Variants in MITF observed in about 807,000 individuals in gnomAD.
MITF encodes microphthalmia-associated transcription factor.
Under a neutral mutation model 60.5 loss-of-function variants are expected in MITF, and 17 were observed. The observed-to-expected ratio is 0.28, with a 90% CI of 0.19 to 0.42. MITF has a LOEUF of 0.42. Ranked by LOEUF, MITF falls within the 10% of genes least tolerant of loss-of-function variation. The probability of loss-of-function intolerance (pLI) is 1.00; values close to 1 mark genes in which losing one functional copy is unlikely to be tolerated. For synonymous variants in MITF, 260 were observed against 248.5 expected, an observed-to-expected ratio of 1.05 and a Z score of -0.43; for missense variants, 622 against 683.5, an observed-to-expected ratio of 0.91 and a Z score of 1.00.
intron 3 of MITF, chr3:69,938,387 G>A (rs1380156979): frequency 1.9e-6 from 3 of 1,563,132 alleles, no homozygotes; most frequent in East Asian, 2.4e-5. Context: ...AGAGGAGAAG[G>A]GGAGGTGGAA....
At chr3:69,848,092 A>C (rs980093403) in intron 1 of MITF, among the ~76,000 whole-genome samples, 12 of 152,258 alleles carry the variant, frequency 7.9e-5, no homozygotes, top group Non-Finnish European at 1.5e-4. Flanking sequence ...ATGCTCTTGC[A>C]GAAGAACAAA....
intron 2 of MITF, among the ~76,000 whole-genome samples, chr3:69,886,469 A>G (rs969476804): frequency 6.6e-6 from 1 of 152,132 alleles, no homozygotes; most frequent in Non-Finnish European, 1.5e-5. Flanking sequence ...CCCTGGTTAC[A>G]TAGACTCCAC....
At chr3:69,938,928 A>G in intron 3 of MITF, 170 bp from the exon 4 acceptor site, 1 of 1,496,462 alleles carries the variant, frequency 6.7e-7, no homozygotes, top group Non-Finnish European at 8.9e-7. Flanking sequence ...TCATCTAGCA[A>G]GATGATTTGA....
At chr3:69,894,923 C>A (rs1417984162) in intron 2 of MITF, among the ~76,000 whole-genome samples, 5 of 152,146 alleles carry the variant, frequency 3.3e-5, no homozygotes, top group Non-Finnish European at 7.3e-5. Flanking sequence ...ACCAGTCTTG[C>A]AAAGTTCACT....
intron 1 of MITF, among the ~76,000 whole-genome samples, chr3:69,755,646 G>T (rs575882365): frequency 6.6e-6 from 1 of 152,038 alleles, no homozygotes; most frequent in Non-Finnish European, 1.5e-5. Context: ...AAAGCAGAAA[G>T]GGGGGTTAGT....
Position 69,815,025 on chromosome 3 carries a change from C to T in MITF, c.105-64109C>T, listed in dbSNP as rs751021302. On this transcript the variant is annotated intron_variant, in intron 1 of 9. Coordinates refer to ENST00000352241, the MANE Select transcript of MITF (RefSeq NM_001354604.2). Reference sequence around the variant, plus strand: ...TCTGGTAAACTGGTACAGGATGGCTCGGGGCCTCAGGTTTATAAAAACAGA... The same window carrying T: ...TCTGGTAAACTGGTACAGGATGGCTTGGGGCCTCAGGTTTATAAAAACAGA... Among the ~76,000 whole-genome samples the T allele has an allele frequency of 8.5e-5, 13 of 152,186 alleles. No individual in the cohort carries two copies. The South Asian group carries it at 1.7e-3, about 19-fold the overall frequency.
intron 1 of MITF, among the ~76,000 whole-genome samples, chr3:69,794,541 A>G (rs780100753): frequency 1.3e-5 from 2 of 152,190 alleles, no homozygotes; most frequent in African/African-American, 4.8e-5. Flanking sequence ...ACCAATTCTC[A>G]TGTCCTTGGT....
At chr3:69,791,558 C>G (rs989060023) in intron 1 of MITF, among the ~76,000 whole-genome samples, 2 of 152,196 alleles carry the variant, frequency 1.3e-5, no homozygotes, top group Non-Finnish European at 2.9e-5. Flanking sequence ...CCAAGAGGCT[C>G]AAGACCTCTT....
At chr3:69,953,718 A>AAG (rs916509164) in intron 7 of MITF, among the ~76,000 whole-genome samples, 2 of 140,726 alleles carry the variant, frequency 1.4e-5, no homozygotes, top group African/African-American at 5.1e-5. Context: ...CAGAGAAAGA[A>AAG]AGAGAGAGAG....
At chr3:69,747,571 G>T (rs1275570201) in intron 1 of MITF, among the ~76,000 whole-genome samples, 2 of 152,348 alleles carry the variant, frequency 1.3e-5, no homozygotes, top group East Asian at 3.9e-4. Context: ...CTTAGTAGGT[G>T]TTCAGGGTTA....
At chr3:69,908,958 G>A (rs12107409) in intron 2 of MITF, among the ~76,000 whole-genome samples, 2,349 of 152,182 alleles carry the variant, frequency 0.015, 30 homozygotes, top group Middle Eastern at 0.051. Flanking sequence ...GATGCTTATA[G>A]TTATAGGATA....
Position 69,965,621 on chromosome 3 carries a change from G to A in MITF, c.*373G>A. 4 of 240,910 alleles carry A rather than the reference G, an allele frequency of 1.7e-5. No homozygotes were observed. The highest frequency in any genetic ancestry group is 1.4e-4 in the South Asian group (1 of 7,356). The allele number at this position is 240,910 out of a possible 1,614,324, so 14.9% of individuals were successfully genotyped here. On this transcript the variant is annotated 3_prime_UTR_variant, in exon 10 of 10. Transcript: ENST00000352241. ...GACTTCCTTGGAAATCAAATGTAAA[G>A]TTTAATTGAAAGAATGTAAAGCAAC...
intron 1 of MITF, among the ~76,000 whole-genome samples, chr3:69,825,355 T>C (rs1237151384): frequency 6.6e-6 from 1 of 152,174 alleles, no homozygotes; most frequent in Non-Finnish European, 1.5e-5. Context: ...AAGTTTGCCA[T>C]TATCTGTAAT....
intron 2 of MITF, among the ~76,000 whole-genome samples, chr3:69,919,704 G>A (rs2065418548): frequency 6.6e-6 from 1 of 152,046 alleles, no homozygotes; most frequent in Non-Finnish European, 1.5e-5. Flanking sequence ...ATAAAAGTCT[G>A]GGGTTATTTA....
chr3:69,864,625 C>T (rs867928228), intron 1 of MITF, among the ~76,000 whole-genome samples: 5 of 152,234 alleles, frequency 3.3e-5, no homozygotes, highest in South Asian at 2.1e-4. Context: ...CTGAGCTCAT[C>T]GTTCCCCTGC....
At chr3:69,905,317 A>T (rs11128146) in intron 2 of MITF, among the ~76,000 whole-genome samples, 1 of 151,940 alleles carries the variant, frequency 6.6e-6, no homozygotes, top group African/African-American at 2.4e-5. Flanking sequence ...TCAATATCTC[A>T]TTCCTTTATA....
rs564160412 is a variant in MITF at position 69,892,116 on chromosome 3, A to G, written c.354+12733A>G. On this transcript the variant is annotated intron_variant, in intron 2 of 9. Coordinates refer to ENST00000352241, the MANE Select transcript of MITF (RefSeq NM_001354604.2). ...TTTACTAATAAATGTAGATGCTGCT[A>G]TGATAAAGTACAAATTGATATCAGA... Among the ~76,000 whole-genome samples the G allele has an allele frequency of 4.6e-5, 7 of 152,290 alleles. No individual in the cohort carries two copies. In the South Asian group the frequency reaches 1.5e-3, roughly 32 times the overall value.
chr3:69,790,815 A>G (rs2062727630), intron 1 of MITF, among the ~76,000 whole-genome samples: 1 of 152,188 alleles, frequency 6.6e-6, no homozygotes, highest in Non-Finnish European at 1.5e-5. Context: ...CTAGGCATGA[A>G]ATTCAGATTC....
In MITF at chr3:69,857,500, A is replaced by G. The variant is rs573215892; in HGVS notation, c.105-21634A>G. On this transcript the variant is annotated intron_variant, in intron 1 of 9. Coordinates refer to ENST00000352241, the MANE Select transcript of MITF (RefSeq NM_001354604.2). ...TCTCTCCTCCTTCCTCTTTTTTCACATAAGGCAGAGACGTGATCTCATGGT... is the reference window on the plus strand; with the variant it reads ...TCTCTCCTCCTTCCTCTTTTTTCACGTAAGGCAGAGACGTGATCTCATGGT... Among the ~76,000 whole-genome samples, 10 of 151,812 alleles carry G rather than the reference A, an allele frequency of 6.6e-5. No individual in the cohort carries two copies. The South Asian group carries it at 2.1e-3, about 32-fold the overall frequency.
Sources: gnomAD v4.1 joint callset for allele counts (sites outside exome capture counted in the v4.1 genomes callset) on GRCh38, gnomAD v4.1.1 for gene constraint, MANE v1.5 for transcripts, NCBI Gene and HGNC (gene_info 2026-07-23, HGNC 2026-07-21) for gene names.